The following FLNB variants were observed in gnomAD, a reference collection of about 807,000 sequenced individuals.
FLNB encodes filamin-B.
A neutral mutation model predicts 250.6 loss-of-function variants in FLNB; 111 were observed. The observed-to-expected ratio is 0.44, with a 90% confidence interval of 0.38 to 0.52. The LOEUF (loss-of-function observed/expected upper bound fraction) is 0.52, where lower values mean the gene tolerates loss of function less well. Among genes scored for constraint, FLNB ranks in the 20% least tolerant of loss-of-function variants. FLNB has a pLI of 0.00. For missense variants in FLNB, 2,869 were observed against 3,447.8 expected, an observed-to-expected ratio of 0.83 and a Z score of 4.20; for synonymous variants, 1,302 against 1,372.1, an observed-to-expected ratio of 0.95 and a Z score of 1.13.
chr3:58,073,052 C>G (rs898738755), intron 1 of FLNB, among the ~76,000 whole-genome samples: 5 of 152,082 alleles, frequency 3.3e-5, no homozygotes, highest in Non-Finnish European at 5.9e-5. Flanking sequence ...TGCCTGTGGC[C>G]GGATGAGACT....
At position 58,031,964 on chromosome 3, in the gene FLNB, T is replaced by C. The variant is rs117085293; in HGVS notation, c.292+23108T>C. 1.6e-3 allele frequency among the ~76,000 whole-genome samples: 247 copies of C among 151,820 alleles called. 1 individual carries two copies. The East Asian group carries it at 0.024, about 15-fold the overall frequency. ...GTTTGTTTGAGACAGGGTCTTGCTC[T>C]TTCTCCCAGGCTAGAGTGCAGTGGC... On this transcript the variant is annotated intron_variant, in intron 1 of 45. Transcript: ENST00000295956.
intron 32 of FLNB, among the ~76,000 whole-genome samples, chr3:58,144,339 G>A (rs1043382657): frequency 3.3e-5 from 5 of 152,006 alleles, no homozygotes; most frequent in African/African-American, 4.8e-5. Context: ...CAGACCTCCC[G>A]CCTTTGTCTC....
At chr3:58,135,833 AAAAAC>A in intron 27 of FLNB, 141 bp from the exon 28 acceptor site, 2 of 882,586 alleles carry the variant, frequency 2.3e-6, no homozygotes, top group Non-Finnish European at 3.5e-6. Flanking sequence ...CTCCCTACCA[AAAAAC>A]AAAACAAAAC....
chr3:58,151,684 A>G (rs28428734), intron 38 of FLNB, among the ~76,000 whole-genome samples: 5,881 of 152,300 alleles, frequency 0.039, 394 homozygotes, highest in African/African-American at 0.13. Flanking sequence ...CAATGGAACT[A>G]TTGGTGATAG....
Position 58,125,646 on chromosome 3 carries a change from G to A in FLNB, c.3964G>A (p.Val1322Ile), listed in dbSNP as rs371848559. 1.9e-6 allele frequency: 3 copies of A among 1,614,064 alleles called. No individual in the cohort carries two copies. The African/African-American group carries it at 4.0e-5, about 22-fold the overall frequency. ...PIPNSPFKVA[V>I]TEGCQPSRVQ... ...CCCAAACAGTCCCTTCAAGGTGGCT[G>A]TCACTGAAGGCTGCCAGCCATCTAG... Residue 1322 changes from valine to isoleucine, a missense_variant, in exon 23 of 46, where the codon GTC becomes ATC. Physicochemically the swap from Val to Ile is conservative, Grantham distance 29. Transcript: ENST00000295956.
At chr3:58,070,381 C>T (rs2097192406) in intron 1 of FLNB, among the ~76,000 whole-genome samples, 1 of 152,128 alleles carries the variant, frequency 6.6e-6, no homozygotes, top group Non-Finnish European at 1.5e-5. Context: ...CTCCTTATAA[C>T]AGCCCTGGGA....
chr3:58,169,439 T>G lies in FLNB; in HGVS notation c.7418-151T>G, dbSNP rs149298891. 99 of 703,170 alleles carry G rather than the reference T, an allele frequency of 1.4e-4. No homozygotes were observed. Among genetic ancestry groups the G allele is most frequent in the African/African-American group, 1.0e-3 (59 of 57,682 alleles). 43.6% of individuals were successfully genotyped at this position (703,170 alleles called of 1,614,324 possible). A position where few individuals can be genotyped will look rare whatever the true frequency, so the allele number is the denominator to read the frequency against. On this transcript the variant is annotated intron_variant, in intron 44 of 45. Coordinates refer to ENST00000295956, the MANE Select transcript of FLNB (RefSeq NM_001457.4). The surrounding 1 kb of genome is among the most constrained non-coding windows in gnomAD (Gnocchi z 4.8). ...TGGGATCCTAGGGGTTTAGAAGACA[T>G]TATGGGTGTGAGATACAGGTGTGGT...
At chr3:58,079,793 C>T (rs748381734) in intron 3 of FLNB, among the ~76,000 whole-genome samples, 4 of 152,150 alleles carry the variant, frequency 2.6e-5, no homozygotes, top group South Asian at 2.1e-4. Flanking sequence ...CCATGAGTCC[C>T]GTGTCCAAAG....
intron 1 of FLNB, 32 bp from the exon 2 acceptor site, chr3:58,077,014 A>G (rs2097202677): frequency 1.9e-6 from 3 of 1,613,624 alleles, no homozygotes; most frequent in African/African-American, 1.3e-5. Flanking sequence ...TGTAACCCAA[A>G]GGAATGACCA....
At chr3:58,119,107 G>A (rs1242350331) in intron 19 of FLNB, 118 bp downstream of exon 19, 1 of 818,114 alleles carries the variant, frequency 1.2e-6, no homozygotes, top group African/African-American at 1.7e-5. Context: ...AAGAGACTTT[G>A]CAGTTGCACA....
intron 8 of FLNB, among the ~76,000 whole-genome samples, chr3:58,099,744 T>C (rs1013889970): frequency 5.3e-5 from 8 of 152,156 alleles, no homozygotes; most frequent in Non-Finnish European, 5.9e-5. Context: ...TGGTAAGGGC[T>C]GGTTGGGTGG....
At chr3:58,126,256 A>T (rs2107186562) in intron 23 of FLNB, among the ~76,000 whole-genome samples, 1 of 152,318 alleles carries the variant, frequency 6.6e-6, no homozygotes, top group Non-Finnish European at 1.5e-5. Context: ...ACACGCCTGT[A>T]ATCCCAGCTA....
chr3:58,060,769 C>CAGAAAAAAA (rs2097177011), intron 1 of FLNB, among the ~76,000 whole-genome samples: 1 of 64,210 alleles, frequency 1.6e-5, no homozygotes, highest in Non-Finnish European at 2.8e-5. Flanking sequence ...GACCTTGTCT[C>CAGAAAAAAA]AAAAAAAAAA....
intron 1 of FLNB, among the ~76,000 whole-genome samples, chr3:58,026,806 A>G (rs1009236362): frequency 6.6e-6 from 1 of 152,206 alleles, no homozygotes; most frequent in Non-Finnish European, 1.5e-5. Context: ...GTTTTAGGCC[A>G]TCTCTGGTGT....
At chr3:58,067,670 C>G (rs1189339337) in intron 1 of FLNB, among the ~76,000 whole-genome samples, 1 of 150,290 alleles carries the variant, frequency 6.7e-6, no homozygotes, top group African/African-American at 2.5e-5. Context: ...GATCTTGGCT[C>G]ACTGCAAGCT....
intron 16 of FLNB, 74 bp downstream of exon 16, chr3:58,110,244 A>G: frequency 6.8e-7 from 1 of 1,463,224 alleles, no homozygotes. Flanking sequence ...TGCATGTCTC[A>G]TCTACTTTTT....
rs1485636886 is a variant in FLNB, at chr3:58,078,725, C to T, written c.550C>T (p.Pro184Ser). The part of the protein sequence containing the change: ...LVDSCAPGLC[P>S]DWESWDPQKP... Reference sequence around the variant, plus strand: ...TTGTGTTCTGTTAACAGGTCTGTGCCCAGACTGGGAATCCTGGGACCCGCA... The same window carrying T: ...TTGTGTTCTGTTAACAGGTCTGTGCTCAGACTGGGAATCCTGGGACCCGCA... The change falls in exon 3 of 46, where the codon CCA (proline) becomes TCA (serine). Residue 184 changes from proline to serine, a missense_variant. Pro to Ser is a moderately conservative substitution (Grantham distance 74). Transcript: ENST00000295956. The T allele has an allele frequency of 1.2e-6, 2 of 1,613,340 alleles. 1 individual carries two copies. The highest frequency in any genetic ancestry group is 2.2e-5 in the South Asian group (2 of 90,874).
intron 4 of FLNB, among the ~76,000 whole-genome samples, chr3:58,091,489 C>T (rs2097227249): frequency 6.6e-6 from 1 of 151,752 alleles, no homozygotes; most frequent in Non-Finnish European, 1.5e-5. Flanking sequence ...CTAGGCAAAA[C>T]AAAACAAAAG....
In FLNB at chr3:58,085,763, T is replaced by G. The variant is rs562650353; in HGVS notation, c.787+3987T>G. 2.0e-5 allele frequency among the ~76,000 whole-genome samples: 3 copies of G among 152,308 alleles called. No individual in the cohort carries two copies. The East Asian group carries it at 5.8e-4, about 29-fold the overall frequency. ...AGAGCAATCCTTAAGCACCCTTCTA[T>G]CTGAGTAATCAGAGGGGTACCAGTT... is the stretch of plus-strand genomic sequence containing the variant. On this transcript the variant is annotated intron_variant, in intron 4 of 45. Transcript: ENST00000295956.
Sources: gnomAD v4.1 joint callset for allele counts (sites outside exome capture counted in the v4.1 genomes callset) on GRCh38, gnomAD v4.1.1 for gene constraint, Gnocchi (gnomAD v3.1) non-coding constraint, MANE v1.5 for transcripts, NCBI Gene and HGNC (gene_info 2026-07-23, HGNC 2026-07-21) for gene names.